The following PEAK1 variants were observed in gnomAD, a reference collection of about 807,000 sequenced individuals.
The protein encoded by PEAK1 is pseudopodium enriched atypical kinase 1.
A neutral mutation model predicts 124.7 loss-of-function variants in PEAK1; 54 were observed. That is an observed-to-expected ratio of 0.43 (90% CI 0.35 to 0.54). PEAK1 has a LOEUF of 0.54. PEAK1 is among the 20% of genes least tolerant of loss of function. PEAK1 has a pLI of 0.01. For missense variants in PEAK1, 2,046 were observed against 2,134.5 expected (o/e 0.96, Z 0.82); for synonymous variants, 719 against 760.0 (o/e 0.95, Z 0.89).
At chr15:77,130,436 C>G (rs1204634837) in intron 9 of PEAK1, among the ~76,000 whole-genome samples, 2 of 152,190 alleles carry the variant, frequency 1.3e-5, no homozygotes, top group Non-Finnish European at 1.5e-5. Context: ...AAAGTGTGAG[C>G]TGGAGCACAG....
chr15:77,410,353 G>A (rs1160206367), intron 1 of PEAK1, among the ~76,000 whole-genome samples: 1 of 152,064 alleles, frequency 6.6e-6, no homozygotes, highest in Non-Finnish European at 1.5e-5. Flanking sequence ...TCGAACTCTC[G>A]ACCTCAGGTG....
chr15:77,308,011 T>TA (rs1387477694), intron 2 of PEAK1, among the ~76,000 whole-genome samples: 9 of 152,070 alleles, frequency 5.9e-5, no homozygotes, highest in Non-Finnish European at 1.3e-4. Context: ...TCATAATACT[T>TA]AGTGTTAGGA....
intron 7 of PEAK1, among the ~76,000 whole-genome samples, chr15:77,177,251 C>A (rs966373327): frequency 2.0e-5 from 3 of 152,122 alleles, no homozygotes; most frequent in African/African-American, 7.2e-5. Context: ...CCACCACACC[C>A]GGCCCTGAAA....
rs2050860683 is a variant in PEAK1, at chr15:77,109,397, C to T, written c.*4759G>A. 6.6e-6 allele frequency: 1 copy of T among 152,194 alleles called. No homozygotes were observed. Among genetic ancestry groups the T allele is most frequent in the Non-Finnish European group, 1.5e-5 (1 of 68,046 alleles). The allele number at this position is 152,194 out of a possible 1,614,324, so 9.4% of individuals were successfully genotyped here. On this transcript the variant is annotated 3_prime_UTR_variant, in exon 10 of 10. Transcript: ENST00000682557. ...GCTTTTCTGAGGATGGATTTATCAG[C>T]TAAATGCCTTGACATGGAATGTATG...
intron 5 of PEAK1, among the ~76,000 whole-genome samples, chr15:77,266,255 TA>T (rs1008020929): frequency 4.8e-4 from 72 of 150,312 alleles, no homozygotes; most frequent in African/African-American, 1.0e-3. Context: ...AGTATAATAA[TA>T]AAAAAAAATA....
At chr15:77,378,664 TTAAAAATCACATTGTCAATTCTCTTTG>T (rs1357592148) in intron 1 of PEAK1, among the ~76,000 whole-genome samples, 1 of 152,196 alleles carries the variant, frequency 6.6e-6, no homozygotes, top group African/African-American at 2.4e-5. Context: ...ATAAATCCTT[TTAAAAATCACATTGTCAATTCTCTTTG>T]GCTTCAGAAA....
At chr15:77,394,314 C>A (rs1258660274) in intron 1 of PEAK1, among the ~76,000 whole-genome samples, 2 of 152,204 alleles carry the variant, frequency 1.3e-5, no homozygotes, top group South Asian at 2.1e-4. Context: ...TTACCATGGG[C>A]CTTGAGTGAG....
chr15:77,241,638 C>G (rs2060362482), intron 6 of PEAK1, among the ~76,000 whole-genome samples: 6 of 151,284 alleles, frequency 4.0e-5, no homozygotes, highest in Admixed American at 4.0e-4. Flanking sequence ...GATACATGGT[C>G]AACATAGAAA....
chr15:77,196,420 T>G (rs1200763894), intron 6 of PEAK1, among the ~76,000 whole-genome samples: 1 of 152,220 alleles, frequency 6.6e-6, no homozygotes, highest in Non-Finnish European at 1.5e-5. Flanking sequence ...CTCATCACTC[T>G]TCTATTTTAT....
chr15:77,289,403 C>A (rs1597127727), intron 2 of PEAK1, among the ~76,000 whole-genome samples: 1 of 152,274 alleles, frequency 6.6e-6, no homozygotes, highest in Non-Finnish European at 1.5e-5. Flanking sequence ...AAACAGTCTT[C>A]AATACTAGAA....
At chr15:77,406,537 C>CA (rs928608828) in intron 1 of PEAK1, among the ~76,000 whole-genome samples, 15 of 152,086 alleles carry the variant, frequency 9.9e-5, no homozygotes, top group African/African-American at 3.1e-4. Flanking sequence ...ATAATAGCTG[C>CA]AAAAAACAAA....
chr15:77,242,887 G>C (rs2060421898), intron 6 of PEAK1, among the ~76,000 whole-genome samples: 1 of 152,122 alleles, frequency 6.6e-6, no homozygotes, highest in Non-Finnish European at 1.5e-5. Context: ...CAATCATTCA[G>C]AAACACTGCC....
chr15:77,403,251 A>G (rs1389380758), intron 1 of PEAK1: 1 of 985,282 alleles, frequency 1.0e-6, no homozygotes, highest in African/African-American at 1.7e-5. Context: ...TCTATCTCCC[A>G]ATACCAACAA....
intron 1 of PEAK1, among the ~76,000 whole-genome samples, chr15:77,371,814 G>T (rs951648592): frequency 6.6e-6 from 1 of 152,232 alleles, no homozygotes; most frequent in Non-Finnish European, 1.5e-5. Context: ...CTTGAAGGAG[G>T]TGGAGGTTGC....
chr15:77,319,608 G>A lies in PEAK1; in HGVS notation c.-602-33104C>T, dbSNP rs186619782. Among the ~76,000 whole-genome samples the A allele has an allele frequency of 7.3e-3, 1,112 of 152,244 alleles. 15 individuals are homozygous for A. The highest frequency in any genetic ancestry group is 0.025 in the African/African-American group (1,056 of 41,544). On this transcript the variant is annotated intron_variant, in intron 2 of 9. Transcript: ENST00000682557. ...AGAACACTGAGATAAAAGGTTCTCT[G>A]AAGTGTTTTACTTTTTAATAGGTTT...
At chr15:77,195,276 T>C (rs2058046027) in intron 6 of PEAK1, among the ~76,000 whole-genome samples, 1 of 152,144 alleles carries the variant, frequency 6.6e-6, no homozygotes, top group South Asian at 2.1e-4. Context: ...ATTCATTCTT[T>C]CAAAGGAACA....
At chr15:77,412,450 T>C (rs1437668387) in intron 1 of PEAK1, among the ~76,000 whole-genome samples, 1 of 152,202 alleles carries the variant, frequency 6.6e-6, no homozygotes, top group Non-Finnish European at 1.5e-5. Context: ...GTCAAAAACC[T>C]TGGAGTGATC....
intron 5 of PEAK1, among the ~76,000 whole-genome samples, chr15:77,259,468 T>C (rs2061329599): frequency 6.6e-6 from 1 of 152,170 alleles, no homozygotes; most frequent in African/African-American, 2.4e-5. Flanking sequence ...GAAAAATAAA[T>C]AATAGTTCCC....
intron 6 of PEAK1, among the ~76,000 whole-genome samples, chr15:77,251,797 T>C (rs2060896438): frequency 2.6e-5 from 4 of 152,322 alleles, no homozygotes; most frequent in Middle Eastern, 6.8e-3. Context: ...CCTCTTTCCA[T>C]GGTAATGACT....
Sources: gnomAD v4.1 joint callset for allele counts (sites outside exome capture counted in the v4.1 genomes callset) on GRCh38, gnomAD v4.1.1 for gene constraint, MANE v1.5 for transcripts, NCBI Gene and HGNC (gene_info 2026-07-23, HGNC 2026-07-21) for gene names.